The following DENND1A variants were observed in gnomAD, a reference collection of about 807,000 sequenced individuals.
The protein encoded by DENND1A is DENN domain-containing protein 1A.
A neutral mutation model predicts 113.7 loss-of-function variants in DENND1A; 51 were observed. The ratio of observed to expected loss-of-function variants is 0.45; its 90% CI spans 0.36 to 0.57. The LOEUF is 0.57. DENND1A is among the 20% of genes least tolerant of loss of function. The probability of loss-of-function intolerance (pLI) is 0.00; values close to 1 mark genes in which losing one functional copy is unlikely to be tolerated. For missense variants in DENND1A, 1,258 were observed against 1,395.9 expected (o/e 0.90, Z 1.57); for synonymous variants, 565 against 570.8 (o/e 0.99, Z 0.14).
chr9:123,630,304 C>A (rs1324793291), intron 10 of DENND1A, 72 bp downstream of exon 10: 4 of 785,904 alleles, frequency 5.1e-6, no homozygotes, highest in Admixed American at 1.2e-4. Context: ...ACTGCATTAA[C>A]AAGTGACACA....
chr9:123,489,334 G>A (rs909054385), intron 13 of DENND1A, among the ~76,000 whole-genome samples: 3 of 152,246 alleles, frequency 2.0e-5, no homozygotes, highest in African/African-American at 7.2e-5. Context: ...GCACACACAG[G>A]AAATGCTTCC....
chr9:123,383,789 T>G lies in DENND1A; in HGVS notation c.1885A>C (p.Ile629Leu). Residue 629 changes from isoleucine (I) to leucine (L), a missense_variant, in exon 23 of 24, where the codon ATC becomes CTC. Physicochemically the swap from Ile to Leu is conservative, Grantham distance 5 (BLOSUM62 2). Coordinates refer to ENST00000394215, the MANE Select transcript of DENND1A (RefSeq NM_001352964.2). The stretch of plus-strand genomic sequence containing the variant: ...CTGAAGACGTCTTCCAGAAGGTCGA[T>G]GCTGGCAGCCCGGTCAGGGGGAGCT... ...VPAPPDRAAS[I>L]DLLEDVFSNL... The G allele has an allele frequency of 6.2e-7, 1 of 1,614,122 alleles. No homozygotes were observed.
chr9:123,445,295 G>A (rs1470202915), intron 18 of DENND1A, among the ~76,000 whole-genome samples: 1 of 152,232 alleles, frequency 6.6e-6, no homozygotes, highest in Non-Finnish European at 1.5e-5. Flanking sequence ...TGATGAAAGA[G>A]TAGAGCCCCA....
At chr9:123,437,739 G>C (rs1313722217) in intron 19 of DENND1A, 1 of 152,072 alleles carries the variant, frequency 6.6e-6, no homozygotes, top group Non-Finnish European at 1.5e-5. Context: ...GTTCTCTCAC[G>C]TCTCTGAGCT....
chr9:123,482,248 C>A (rs775374711), intron 13 of DENND1A, among the ~76,000 whole-genome samples: 17 of 152,074 alleles, frequency 1.1e-4, no homozygotes, highest in Non-Finnish European at 1.9e-4. Flanking sequence ...CAGGTGTGCA[C>A]CACCATGAAT....
chr9:123,775,568 GCA>G (rs1830351995), intron 3 of DENND1A, among the ~76,000 whole-genome samples: 1 of 152,216 alleles, frequency 6.6e-6, no homozygotes, highest in Non-Finnish European at 1.5e-5. Context: ...TATTTTGTAA[GCA>G]TATTAAAAGC....
intron 9 of DENND1A, among the ~76,000 whole-genome samples, chr9:123,648,611 CAGAGA>C (rs1331206940): frequency 1.3e-5 from 2 of 152,104 alleles, no homozygotes; most frequent in Non-Finnish European, 2.9e-5. Context: ...ACTTTTCAGT[CAGAGA>C]AAAGTATCTT....
Position 123,381,166 on chromosome 9 carries a change from C to CCAATCAA in DENND1A, c.*259_*265dup. 1.9e-6 allele frequency: 1 copy of CCAATCAA among 518,646 alleles called. No individual in the cohort carries two copies. The highest frequency in any genetic ancestry group is 1.9e-5 in the African/African-American group (1 of 51,896). The allele number at this position is 518,646 out of a possible 1,614,324, so 32.1% of individuals were successfully genotyped here. The stretch of plus-strand genomic sequence containing the variant: ...CCAGCTGACCTCTTTAGTGCAAAAC[C>CCAATCAA]CAATCAAGGGTGCCGAGGAGAGGCA... On this transcript the variant is annotated 3_prime_UTR_variant, in exon 24 of 24. Transcript: ENST00000394215. The surrounding 1 kb of genome is among the most constrained non-coding windows in gnomAD (Gnocchi z 4.7).
intron 2 of DENND1A, among the ~76,000 whole-genome samples, chr9:123,810,303 G>A (rs575230736): frequency 3.9e-5 from 6 of 152,206 alleles, no homozygotes; most frequent in Admixed American, 1.3e-4. Context: ...TGTCTCTTGC[G>A]CCTGAACTCT....
At chr9:123,924,663 A>C (rs1856794675) in intron 1 of DENND1A, among the ~76,000 whole-genome samples, 1 of 152,002 alleles carries the variant, frequency 6.6e-6, no homozygotes, top group South Asian at 2.1e-4. Context: ...AAAAAAAAAA[A>C]GTAAATATTA....
intron 13 of DENND1A, among the ~76,000 whole-genome samples, chr9:123,522,243 G>A (rs977527422): frequency 2.0e-5 from 3 of 152,164 alleles, no homozygotes; most frequent in Non-Finnish European, 2.9e-5. Context: ...GAAAATTGGC[G>A]GAGCCCTCTC....
chr9:123,669,663 T>A (rs2063665773), intron 7 of DENND1A, among the ~76,000 whole-genome samples: 1 of 152,118 alleles, frequency 6.6e-6, no homozygotes, highest in Non-Finnish European at 1.5e-5. Flanking sequence ...ACTGAAGTGG[T>A]GAGATCAAGC....
intron 13 of DENND1A, among the ~76,000 whole-genome samples, chr9:123,503,646 T>C (rs1015439508): frequency 6.6e-6 from 1 of 152,242 alleles, no homozygotes; most frequent in South Asian, 2.1e-4. Flanking sequence ...AAACTTCAAG[T>C]GCAACTAGCT....
At chr9:123,741,280 C>G (rs539751166) in intron 5 of DENND1A, among the ~76,000 whole-genome samples, 1 of 152,168 alleles carries the variant, frequency 6.6e-6, no homozygotes, top group African/African-American at 2.4e-5. Flanking sequence ...CTCCAACAAC[C>G]AAAATTTTAC....
intron 21 of DENND1A, among the ~76,000 whole-genome samples, chr9:123,398,480 T>G (rs545758204): frequency 3.3e-5 from 5 of 152,098 alleles, no homozygotes; most frequent in Admixed American, 6.5e-5. Flanking sequence ...GTTCACGCCA[T>G]TCTCCTGCCT....
chr9:123,782,702 A>G (rs1831513521), intron 3 of DENND1A, among the ~76,000 whole-genome samples: 1 of 152,258 alleles, frequency 6.6e-6, no homozygotes, highest in African/African-American at 2.4e-5. Flanking sequence ...TGAAAAACCA[A>G]TTAGTATCTT....
intron 9 of DENND1A, among the ~76,000 whole-genome samples, chr9:123,638,109 A>G (rs934405655): frequency 5.9e-5 from 9 of 152,004 alleles, no homozygotes; most frequent in Admixed American, 5.2e-4. Context: ...AAAGCTATCT[A>G]CTAGAGTAAT....
intron 8 of DENND1A, among the ~76,000 whole-genome samples, chr9:123,664,302 C>T (rs574507528): frequency 6.6e-6 from 1 of 152,080 alleles, no homozygotes; most frequent in South Asian, 2.1e-4. Context: ...TTCATATTGC[C>T]TATTTCTCAG....
At chr9:123,683,009 C>A (rs1339553871) in intron 5 of DENND1A, among the ~76,000 whole-genome samples, 1 of 149,016 alleles carries the variant, frequency 6.7e-6, no homozygotes, top group African/African-American at 2.6e-5. Flanking sequence ...CTCCACCCTT[C>A]CAGTTTCCAG....
Sources: gnomAD v4.1 joint callset for allele counts (sites outside exome capture counted in the v4.1 genomes callset) on GRCh38, gnomAD v4.1.1 for gene constraint, Gnocchi (gnomAD v3.1) non-coding constraint, MANE v1.5 for transcripts, NCBI Gene and HGNC (gene_info 2026-07-23, HGNC 2026-07-21) for gene names.